Variants in EXOC6B observed in about 807,000 individuals in gnomAD.
The protein encoded by EXOC6B is SEC15 homolog B.
A neutral mutation model predicts 113.5 loss-of-function variants in EXOC6B; 54 were observed. That is an observed-to-expected ratio of 0.48 (90% CI 0.38 to 0.60). The LOEUF is 0.60. Ranked by LOEUF, EXOC6B falls within the 20% of genes least tolerant of loss-of-function variation. The pLI, the probability that EXOC6B is intolerant of heterozygous loss-of-function variation, is 0.00. For missense variants in EXOC6B, 797 were observed against 977.5 expected, an observed-to-expected ratio of 0.82 and a Z score of 2.46; for synonymous variants, 357 against 339.0, an observed-to-expected ratio of 1.05 and a Z score of -0.58.
At chr2:72,467,681 C>A (rs541480684) in intron 17 of EXOC6B, among the ~76,000 whole-genome samples, 1 of 152,192 alleles carries the variant, frequency 6.6e-6, no homozygotes, top group South Asian at 2.1e-4. Context: ...GGGTTGTTTT[C>A]TTGCTATTGA....
At chr2:72,786,117 A>T (rs1420133632) in intron 1 of EXOC6B, among the ~76,000 whole-genome samples, 2 of 152,240 alleles carry the variant, frequency 1.3e-5, no homozygotes, top group African/African-American at 4.8e-5. Flanking sequence ...CAAGGAAGCA[A>T]GAAATGCTTT....
intron 8 of EXOC6B, among the ~76,000 whole-genome samples, chr2:72,552,514 T>C (rs1235815385): frequency 6.6e-6 from 1 of 152,072 alleles, no homozygotes; most frequent in Non-Finnish European, 1.5e-5. Flanking sequence ...CCAACTAATT[T>C]TAATGAGGCT....
intron 7 of EXOC6B, among the ~76,000 whole-genome samples, chr2:72,569,487 C>A (rs1273021102): frequency 1.3e-5 from 2 of 152,096 alleles, no homozygotes. Context: ...CAGTCTATTA[C>A]TACCATGCTT....
chr2:72,677,458 G>C (rs188206298), intron 6 of EXOC6B, among the ~76,000 whole-genome samples: 5 of 152,166 alleles, frequency 3.3e-5, no homozygotes, highest in African/African-American at 9.6e-5. Flanking sequence ...AGTCAAGACT[G>C]ATCCTTTCCT....
intron 11 of EXOC6B, among the ~76,000 whole-genome samples, chr2:72,509,357 A>G (rs375607685): frequency 8.5e-5 from 13 of 152,320 alleles, no homozygotes; most frequent in African/African-American, 2.4e-4. Flanking sequence ...GAGCCCACTA[A>G]GACAGTAGAT....
chr2:72,757,568 CTT>C (rs1452826855), intron 1 of EXOC6B, among the ~76,000 whole-genome samples: 2 of 152,184 alleles, frequency 1.3e-5, no homozygotes, highest in Non-Finnish European at 2.9e-5. Context: ...GTAAATTTCT[CTT>C]TGTCTTTAAA....
In EXOC6B at chr2:72,724,896, T is replaced by C. The variant is rs146053294; in HGVS notation, c.464+6111A>G. ...TAAAGCACAGAGAGGGCTGAGGGGG[T>C]GGGGAGAAAAGATCTTCAAGTCACC... On this transcript the variant is annotated intron_variant, in intron 5 of 21. Transcript: ENST00000272427. Among the ~76,000 whole-genome samples, 6 of 150,048 alleles carry C rather than the reference T, an allele frequency of 4.0e-5. No homozygotes were observed. The East Asian group carries it at 1.2e-3, about 29-fold the overall frequency.
At chr2:72,790,604 T>C (rs1437611076) in intron 1 of EXOC6B, among the ~76,000 whole-genome samples, 1 of 152,166 alleles carries the variant, frequency 6.6e-6, no homozygotes, top group African/African-American at 2.4e-5. Context: ...TTAAGTAATA[T>C]AGGAGGTAAG....
intron 18 of EXOC6B, among the ~76,000 whole-genome samples, chr2:72,401,045 G>A (rs972389051): frequency 6.6e-6 from 1 of 151,874 alleles, no homozygotes. Context: ...CAACCTAAGT[G>A]TCCATCAACA....
intron 2 of EXOC6B, among the ~76,000 whole-genome samples, chr2:72,736,889 G>C (rs1297634123): frequency 6.6e-6 from 1 of 152,080 alleles, no homozygotes; most frequent in African/African-American, 2.4e-5. Flanking sequence ...GGATGGCTAG[G>C]TGAGGACAAA....
intron 6 of EXOC6B, among the ~76,000 whole-genome samples, chr2:72,687,094 C>T (rs533707605): frequency 1.3e-3 from 195 of 151,156 alleles, no homozygotes; most frequent in African/African-American, 4.5e-3. Flanking sequence ...GCCAAGATCA[C>T]GCCACTGCAC....
At chr2:72,190,886 T>A (rs898700363) in intron 20 of EXOC6B, among the ~76,000 whole-genome samples, 7 of 152,240 alleles carry the variant, frequency 4.6e-5, no homozygotes, top group African/African-American at 1.7e-4. Flanking sequence ...GAGCATTTCA[T>A]GTTAACTTGG....
At chr2:72,210,352 T>C (rs1680111001) in intron 20 of EXOC6B, among the ~76,000 whole-genome samples, 1 of 152,224 alleles carries the variant, frequency 6.6e-6, no homozygotes, top group Non-Finnish European at 1.5e-5. Context: ...TATTGCTAAC[T>C]TTCCATTAAT....
chr2:72,346,323 T>A (rs1486227087), intron 19 of EXOC6B, among the ~76,000 whole-genome samples: 1 of 152,110 alleles, frequency 6.6e-6, no homozygotes, highest in African/African-American at 2.4e-5. Flanking sequence ...CAGATCAATC[T>A]CCATCTGGCT....
At chr2:72,321,639 G>A (rs563868187) in intron 20 of EXOC6B, among the ~76,000 whole-genome samples, 7 of 151,956 alleles carry the variant, frequency 4.6e-5, no homozygotes, top group African/African-American at 9.7e-5. Flanking sequence ...GTATGTTTCC[G>A]TTTATACGCA....
intron 18 of EXOC6B, among the ~76,000 whole-genome samples, chr2:72,406,221 C>T (rs1486363676): frequency 2.6e-5 from 4 of 152,080 alleles, no homozygotes; most frequent in Non-Finnish European, 5.9e-5. Flanking sequence ...TAGAGAACTA[C>T]AAAGAGACTT....
intron 20 of EXOC6B, among the ~76,000 whole-genome samples, chr2:72,300,744 G>A (rs1023587099): frequency 9.2e-5 from 14 of 152,114 alleles, no homozygotes; most frequent in African/African-American, 3.4e-4. Context: ...CCATTCCTCC[G>A]GGTACAGTCT....
intron 20 of EXOC6B, among the ~76,000 whole-genome samples, chr2:72,332,069 T>G (rs1239548694): frequency 6.6e-6 from 1 of 151,858 alleles, no homozygotes; most frequent in African/African-American, 2.4e-5. Flanking sequence ...AATACACATA[T>G]AAGACAGCAA....
chr2:72,622,631 G>A (rs1217198751), intron 6 of EXOC6B, among the ~76,000 whole-genome samples: 1 of 151,962 alleles, frequency 6.6e-6, no homozygotes, highest in Non-Finnish European at 1.5e-5. Context: ...GATCACTTGA[G>A]CCCAGGAGGC....
Sources: allele counts gnomAD v4.1 joint callset (sites outside exome capture counted in the v4.1 genomes callset), GRCh38; gene constraint gnomAD v4.1.1; transcripts MANE v1.5; gene names NCBI Gene and HGNC (gene_info 2026-07-23, HGNC 2026-07-21).